Variants in ANKDD1B observed in about 807,000 individuals in gnomAD.
ANKDD1B encodes the protein ankyrin repeat and death domain containing 1B.
In ANKDD1B, 57 loss-of-function variants were observed where a neutral mutation model predicts 59.7. That is an observed-to-expected ratio of 0.95 (90% CI 0.77 to 1.19). ANKDD1B has a LOEUF of 1.19. ANKDD1B is among the 50% of genes most tolerant of loss of function. The pLI is 0.00. For synonymous variants in ANKDD1B, 216 were observed against 239.5 expected, an observed-to-expected ratio of 0.90 and a Z score of 0.91; for missense variants, 602 against 641.9, an observed-to-expected ratio of 0.94 and a Z score of 0.67.
chr5:75,640,178 G>A (rs34345), intron 7 of ANKDD1B, among the ~76,000 whole-genome samples: 88,931 of 151,810 alleles, frequency 0.59, 30,063 homozygotes, highest in Non-Finnish European at 0.74. Context: ...TGAGTAGCTG[G>A]GACTATAGGC....
chr5:75,615,668 CTGTGTGTGTGTGTGTG>C (rs113185824), intron 1 of ANKDD1B, among the ~76,000 whole-genome samples: 2 of 144,238 alleles, frequency 1.4e-5, no homozygotes, highest in East Asian at 4.1e-4. Flanking sequence ...CTGGTCTTCC[CTGTGTGTGTGTGTGTG>C]TGTGTGTGTG....
intron 10 of ANKDD1B, among the ~76,000 whole-genome samples, chr5:75,661,928 A>G (rs1775166479): frequency 1.4e-5 from 1 of 69,124 alleles, no homozygotes; most frequent in East Asian, 3.4e-4. Flanking sequence ...TTTTTTTGCC[A>G]AAGAAAAGTG....
At chr5:75,642,386 G>A (rs1489133986) in intron 7 of ANKDD1B, among the ~76,000 whole-genome samples, 4 of 150,256 alleles carry the variant, frequency 2.7e-5, no homozygotes, top group East Asian at 3.9e-4. Flanking sequence ...GCCAGTGTGT[G>A]CGCGCACCGT....
At chr5:75,660,282 A>G (rs1775097469) in intron 10 of ANKDD1B, among the ~76,000 whole-genome samples, 1 of 152,248 alleles carries the variant, frequency 6.6e-6, no homozygotes, top group East Asian at 1.9e-4. Context: ...GGGAACCACC[A>G]TTCTACTTTC....
At chr5:75,652,655 T>C (rs1200112192) in intron 7 of ANKDD1B, among the ~76,000 whole-genome samples, 1 of 152,216 alleles carries the variant, frequency 6.6e-6, no homozygotes, top group African/African-American at 2.4e-5. Flanking sequence ...CCAGGGCTGA[T>C]CTCAAACTCC....
intron 7 of ANKDD1B, among the ~76,000 whole-genome samples, chr5:75,638,975 A>T (rs763202224): frequency 1.3e-5 from 2 of 152,206 alleles, no homozygotes; most frequent in African/African-American, 2.4e-5. Flanking sequence ...TATAAACCTT[A>T]GTCTGAATTC....
chr5:75,611,890 G>T, intron 1 of ANKDD1B, 63 bp downstream of exon 1: 1 of 1,206,196 alleles, frequency 8.3e-7, no homozygotes, highest in South Asian at 4.2e-5. Flanking sequence ...GAAGGGACTT[G>T]AGAAGGTACC....
intron 5 of ANKDD1B, among the ~76,000 whole-genome samples, chr5:75,628,852 T>C (rs534521238): frequency 3.3e-5 from 5 of 152,308 alleles, no homozygotes; most frequent in Admixed American, 1.3e-4. Context: ...GAATAAAGTA[T>C]AGATATTTTG....
At chr5:75,648,195 A>G (rs57512350) in intron 7 of ANKDD1B, among the ~76,000 whole-genome samples, 7,209 of 114,964 alleles carry the variant, frequency 0.063, 840 homozygotes, top group African/African-American at 0.22. Flanking sequence ...TGGCACATGT[A>G]TACATATGTA....
chr5:75,622,753 C>T (rs984386532), intron 3 of ANKDD1B, among the ~76,000 whole-genome samples: 1 of 152,170 alleles, frequency 6.6e-6, no homozygotes, highest in East Asian at 1.9e-4. Flanking sequence ...CGTGAGCCAA[C>T]TGTGAGTGTA....
intron 10 of ANKDD1B, 105 bp from the exon 11 acceptor site, chr5:75,663,289 T>C: frequency 2.4e-6 from 2 of 829,478 alleles, no homozygotes; most frequent in Non-Finnish European, 3.9e-6. Context: ...TTACCCAGCA[T>C]GGGCTGGTAG....
intron 9 of ANKDD1B, 150 bp from the exon 10 acceptor site, chr5:75,659,133 T>C (rs1048876814): frequency 1.7e-6 from 1 of 601,768 alleles, no homozygotes; most frequent in African/African-American, 1.8e-5. Context: ...TTTCAGTTTT[T>C]CACTATTGCA....
intron 3 of ANKDD1B, among the ~76,000 whole-genome samples, chr5:75,622,571 G>A (rs1291149693): frequency 6.6e-6 from 1 of 152,164 alleles, no homozygotes; most frequent in Non-Finnish European, 1.5e-5. Context: ...TCCCAGGTGG[G>A]TGCAAGTGGT....
chr5:75,651,257 G>A (rs1019876935), intron 7 of ANKDD1B, among the ~76,000 whole-genome samples: 8 of 152,212 alleles, frequency 5.3e-5, no homozygotes, highest in Non-Finnish European at 7.3e-5. Flanking sequence ...TACTGATGCA[G>A]CCATTTTGGG....
chr5:75,653,635 T>G (rs1415359799), intron 8 of ANKDD1B, among the ~76,000 whole-genome samples: 1 of 152,240 alleles, frequency 6.6e-6, no homozygotes, highest in East Asian at 1.9e-4. Flanking sequence ...GTTTTTCTTT[T>G]GAAAGTCAAT....
chr5:75,659,316 C>A lies in ANKDD1B; in HGVS notation c.1030C>A (p.Arg344Ser). The change falls in exon 10 of 14, where the codon CGT becomes AGT. Residue 344 changes from arginine to serine, a missense_variant. This residue lies in a region of ANKDD1B where 280 missense variants were observed against 319.8 expected (regional missense o/e 0.88). Coordinates refer to ENST00000601380, the MANE Select transcript of ANKDD1B (RefSeq NM_001276713.2). Reference protein sequence around the residue: ...QQTPLHVAADRGNVELVETLL... With the variant: ...QQTPLHVAADSGNVELVETLL... The stretch of plus-strand genomic sequence containing the variant: ...AACCCCTCTGCATGTAGCTGCTGAT[C>A]GTGGAAATGTGGAACTGGTGGAAAC... 6.5e-7 allele frequency: 1 copy of A among 1,535,998 alleles called. No homozygotes were observed. The highest frequency in any genetic ancestry group is 8.7e-7 in the Non-Finnish European group (1 of 1,146,852).
intron 13 of ANKDD1B, among the ~76,000 whole-genome samples, 195 bp from the exon 14 acceptor site, chr5:75,670,784 C>T (rs997362448): frequency 6.6e-6 from 1 of 152,178 alleles, no homozygotes; most frequent in East Asian, 1.9e-4. Context: ...AACTCCAAAG[C>T]TGACTGACTG....
intron 7 of ANKDD1B, among the ~76,000 whole-genome samples, chr5:75,651,904 G>C (rs183137564): frequency 6.6e-6 from 1 of 152,156 alleles, no homozygotes; most frequent in Non-Finnish European, 1.5e-5. Flanking sequence ...CCTGGTTTAC[G>C]GACAACTGTC....
At chr5:75,630,707 C>T (rs1264221220) in intron 5 of ANKDD1B, among the ~76,000 whole-genome samples, 1 of 152,176 alleles carries the variant, frequency 6.6e-6, no homozygotes, top group Non-Finnish European at 1.5e-5. Flanking sequence ...CCATCTTGAT[C>T]GAGATTAAGC....
Sources: allele counts gnomAD v4.1 joint callset (sites outside exome capture counted in the v4.1 genomes callset), GRCh38; gene constraint gnomAD v4.1.1; regional missense constraint gnomAD v4.1.1; transcripts MANE v1.5; gene names NCBI Gene and HGNC (gene_info 2026-07-23, HGNC 2026-07-21).